The following CNTNAP2 variants were observed in gnomAD, a reference collection of about 807,000 sequenced individuals.
CNTNAP2 encodes contactin associated protein 2.
Under a neutral mutation model 155.2 loss-of-function variants are expected in CNTNAP2, and 98 were observed. The ratio of observed to expected loss-of-function variants is 0.63; its 90% CI spans 0.54 to 0.75. CNTNAP2 has a LOEUF of 0.75. CNTNAP2 is among the 30% of genes least tolerant of loss of function. The pLI is 0.00. For synonymous variants in CNTNAP2, 651 were observed against 631.2 expected, an observed-to-expected ratio of 1.03 and a Z score of -0.47; for missense variants, 1,727 against 1,688.1, an observed-to-expected ratio of 1.02 and a Z score of -0.40.
chr7:147,375,413 C>T (rs1328267092), intron 9 of CNTNAP2, among the ~76,000 whole-genome samples: 1 of 151,892 alleles, frequency 6.6e-6, no homozygotes, highest in African/African-American at 2.4e-5. Flanking sequence ...ATTTTCACCC[C>T]GACACAATTT....
chr7:148,268,587 G>A (rs146496822), intron 21 of CNTNAP2, among the ~76,000 whole-genome samples: 3,923 of 152,042 alleles, frequency 0.026, 110 homozygotes, highest in African/African-American at 0.067. Context: ...CCCGGGAGGC[G>A]GAGCTTACAG....
chr7:147,734,231 A>G (rs1275478719), intron 13 of CNTNAP2, among the ~76,000 whole-genome samples: 2 of 152,112 alleles, frequency 1.3e-5, no homozygotes, highest in Non-Finnish European at 1.5e-5. Flanking sequence ...ATGAAGGGCT[A>G]TTGAATTTTG....
At chr7:147,356,883 G>C (rs1796072344) in intron 9 of CNTNAP2, among the ~76,000 whole-genome samples, 1 of 152,032 alleles carries the variant, frequency 6.6e-6, no homozygotes, top group Admixed American at 6.6e-5. Flanking sequence ...TGTGTCTTGA[G>C]CAAAGTTTTA....
intron 1 of CNTNAP2, among the ~76,000 whole-genome samples, chr7:146,436,260 C>A (rs1331770160): frequency 6.6e-6 from 1 of 152,052 alleles, no homozygotes; most frequent in East Asian, 1.9e-4. Context: ...ATTCCCCATA[C>A]AAATAGATGA....
intron 1 of CNTNAP2, among the ~76,000 whole-genome samples, chr7:146,483,328 T>TATATATACAC (rs1459820598): frequency 1.2e-5 from 1 of 81,558 alleles, no homozygotes; most frequent in Non-Finnish European, 2.3e-5. Context: ...TATATATATA[T>TATATATACAC]ACATATATAT....
intron 12 of CNTNAP2, among the ~76,000 whole-genome samples, chr7:147,613,053 G>T (rs965144371): frequency 7.9e-5 from 12 of 152,060 alleles, no homozygotes; most frequent in Non-Finnish European, 1.8e-4. Flanking sequence ...TTATTATTAT[G>T]GGATATTCTC....
At chr7:147,003,440 GTTATA>G (rs1319597671) in intron 3 of CNTNAP2, among the ~76,000 whole-genome samples, 1 of 151,838 alleles carries the variant, frequency 6.6e-6, no homozygotes, top group African/African-American at 2.4e-5. Context: ...TACTTGCAAA[GTTATA>G]TTAATACAAA....
At chr7:146,664,552 A>T (rs1800154588) in intron 1 of CNTNAP2, among the ~76,000 whole-genome samples, 1 of 152,130 alleles carries the variant, frequency 6.6e-6, no homozygotes, top group African/African-American at 2.4e-5. Context: ...ATATTGCTGG[A>T]TGTGATATGT....
chr7:146,932,728 C>T (rs1318593593), intron 3 of CNTNAP2, among the ~76,000 whole-genome samples: 1 of 152,186 alleles, frequency 6.6e-6, no homozygotes. Flanking sequence ...TGATAAGCAA[C>T]TTCAGCAAAG....
intron 13 of CNTNAP2, among the ~76,000 whole-genome samples, chr7:147,752,634 T>C (rs1325022888): frequency 6.6e-6 from 1 of 152,178 alleles, no homozygotes; most frequent in Non-Finnish European, 1.5e-5. Context: ...AAAAGGTAGA[T>C]ATTTGAAGTT....
intron 1 of CNTNAP2, among the ~76,000 whole-genome samples, chr7:146,313,587 C>T (rs1312772863): frequency 6.6e-6 from 1 of 152,098 alleles, no homozygotes; most frequent in Non-Finnish European, 1.5e-5. Context: ...GCTGCCTGTG[C>T]CTTTGGAGTT....
chr7:147,635,497 A>G (rs529234551), intron 12 of CNTNAP2, among the ~76,000 whole-genome samples: 28 of 152,252 alleles, frequency 1.8e-4, no homozygotes, highest in African/African-American at 6.7e-4. Flanking sequence ...TGTATCTGTC[A>G]TATCGTAAGC....
chr7:146,930,596 A>T (rs967898353), intron 3 of CNTNAP2, among the ~76,000 whole-genome samples: 3 of 152,218 alleles, frequency 2.0e-5, no homozygotes, highest in African/African-American at 7.2e-5. Context: ...TATTAACTTT[A>T]AATGTAAATG....
At chr7:146,339,657 G>A (rs11980503) in intron 1 of CNTNAP2, among the ~76,000 whole-genome samples, 10,133 of 152,094 alleles carry the variant, frequency 0.067, 554 homozygotes, top group African/African-American at 0.15. Flanking sequence ...AGAGCTACTG[G>A]CAGATAACTT....
At chr7:148,173,479 G>A (rs1057246526) in intron 18 of CNTNAP2, among the ~76,000 whole-genome samples, 1 of 152,206 alleles carries the variant, frequency 6.6e-6, no homozygotes, top group Admixed American at 6.5e-5. Flanking sequence ...CACACAAGAT[G>A]CCACACACAG....
chr7:147,020,828 A>G (rs562274952), intron 3 of CNTNAP2, among the ~76,000 whole-genome samples: 1 of 152,204 alleles, frequency 6.6e-6, no homozygotes, highest in Non-Finnish European at 1.5e-5. Context: ...AAATCCAGGA[A>G]AACAGAGAAA....
chr7:147,612,202 G>A (rs1310099358), intron 12 of CNTNAP2, among the ~76,000 whole-genome samples: 1 of 152,068 alleles, frequency 6.6e-6, no homozygotes, highest in Non-Finnish European at 1.5e-5. Context: ...TATTTTGTAA[G>A]TTATTCAGGA....
chr7:146,340,643 G>T (rs73465946), intron 1 of CNTNAP2, among the ~76,000 whole-genome samples: 3,749 of 152,070 alleles, frequency 0.025, 180 homozygotes, highest in African/African-American at 0.085. Flanking sequence ...AACTGGTCTA[G>T]GTTAACAAAT....
intron 1 of CNTNAP2, among the ~76,000 whole-genome samples, chr7:146,282,256 C>T (rs569148830): frequency 6.6e-6 from 1 of 152,280 alleles, no homozygotes; most frequent in East Asian, 1.9e-4. Flanking sequence ...GTATCTTTTG[C>T]CCCCAACGTG....
Sources: gnomAD v4.1 joint callset for allele counts (sites outside exome capture counted in the v4.1 genomes callset) on GRCh38, gnomAD v4.1.1 for gene constraint, MANE v1.5 for transcripts, NCBI Gene and HGNC (gene_info 2026-07-23, HGNC 2026-07-21) for gene names.